Variants in CCDC171 observed in about 807,000 individuals in gnomAD.
CCDC171 encodes coiled-coil domain-containing protein 171.
Under a neutral mutation model 168.2 loss-of-function variants are expected in CCDC171, and 177 were observed. The ratio of observed to expected loss-of-function variants is 1.05; its 90% CI spans 0.93 to 1.19. CCDC171 has a LOEUF of 1.19. CCDC171 is among the 50% of genes most tolerant of loss of function. The pLI is 0.00. For missense variants in CCDC171, 1,991 were observed against 1,539.0 expected (o/e 1.29, Z -4.91); for synonymous variants, 687 against 540.8 (o/e 1.27, Z -3.75).
intron 24 of CCDC171, among the ~76,000 whole-genome samples, chr9:15,887,201 T>C (rs1174600237): frequency 6.6e-6 from 1 of 152,190 alleles, no homozygotes; most frequent in Non-Finnish European, 1.5e-5. Flanking sequence ...AAAGTATATA[T>C]ATATTAAATA....
At chr9:15,718,012 AGAGCAC>A (rs2053205166) in intron 11 of CCDC171, among the ~76,000 whole-genome samples, 1 of 108,632 alleles carries the variant, frequency 9.2e-6, no homozygotes, top group Admixed American at 9.3e-5. Context: ...ACAGGGTGGT[AGAGCAC>A]CAAGTGGGTT....
At chr9:15,619,113 C>G (rs1242001942) in intron 6 of CCDC171, among the ~76,000 whole-genome samples, 1 of 152,110 alleles carries the variant, frequency 6.6e-6, no homozygotes, top group African/African-American at 2.4e-5. Flanking sequence ...CCAACTCTCC[C>G]TCTCGTCTGG....
At chr9:15,962,428 G>C (rs947062786) in intron 25 of CCDC171, among the ~76,000 whole-genome samples, 6 of 152,100 alleles carry the variant, frequency 3.9e-5, no homozygotes, top group Non-Finnish European at 8.8e-5. Flanking sequence ...GGATCAAATG[G>C]CATTAAGCAT....
At chr9:15,968,991 G>A (rs1171935292) in intron 25 of CCDC171, among the ~76,000 whole-genome samples, 1 of 152,138 alleles carries the variant, frequency 6.6e-6, no homozygotes, top group Non-Finnish European at 1.5e-5. Flanking sequence ...TTACTTTCTA[G>A]AGACTATACT....
chr9:15,983,945 A>G (rs1726041981), intron 3 of CCDC171, among the ~76,000 whole-genome samples: 1 of 151,960 alleles, frequency 6.6e-6, no homozygotes, highest in Non-Finnish European at 1.5e-5. Context: ...AACTCTACTA[A>G]AAACCATCTT....
At chr9:16,033,409 T>G (rs1246842744) in intron 6 of CCDC171, among the ~76,000 whole-genome samples, 1 of 152,158 alleles carries the variant, frequency 6.6e-6, no homozygotes, top group Admixed American at 6.5e-5. Context: ...AGCAGCGGCA[T>G]TAGATTCTCA....
At chr9:15,813,622 GTATATA>G (rs1364927967) in intron 21 of CCDC171, among the ~76,000 whole-genome samples, 1 of 150,876 alleles carries the variant, frequency 6.6e-6, no homozygotes, top group Non-Finnish European at 1.5e-5. Context: ...GTGTGTGTGT[GTATATA>G]TATATATATT....
chr9:16,102,415 C>A, the CCDC171 span, among the ~76,000 whole-genome samples: 1 of 146,426 alleles, frequency 6.8e-6, no homozygotes, highest in African/African-American at 2.5e-5. Context: ...GTAAACAGGT[C>A]ATCTCAGCCA....
intron 21 of CCDC171, among the ~76,000 whole-genome samples, chr9:15,823,280 A>G (rs988198116): frequency 2.0e-5 from 3 of 152,112 alleles, no homozygotes; most frequent in African/African-American, 7.2e-5. Flanking sequence ...CGTATGTAAC[A>G]AACCTTCACG....
intron 3 of CCDC171, among the ~76,000 whole-genome samples, chr9:16,006,361 G>A (rs1832695686): frequency 6.6e-6 from 1 of 152,252 alleles, no homozygotes; most frequent in East Asian, 1.9e-4. Flanking sequence ...TGTTGAGCAT[G>A]TTTTCATGTG....
At chr9:15,780,917 A>T (rs2057633467) in intron 20 of CCDC171, among the ~76,000 whole-genome samples, 1 of 152,152 alleles carries the variant, frequency 6.6e-6, no homozygotes, top group Non-Finnish European at 1.5e-5. Flanking sequence ...TTATACTTTT[A>T]AAAACGAATT....
Position 15,623,475 on chromosome 9 carries a change from G to GCGCGCGCGCGCGCGCACGCACACA in CCDC171, c.822+63_822+64insGCGCGCGCGCGCGCACGCACACAC. ...CAAACTTTCACATATGCGCGCGCGC[G>GCGCGCGCGCGCGCGCACGCACACA]CACACACACACACACACACACACAC... On this transcript the variant is annotated intron_variant, in intron 7 of 25. Coordinates refer to ENST00000380701, the MANE Select transcript of CCDC171 (RefSeq NM_173550.4). 2.2e-5 allele frequency: 7 copies of GCGCGCGCGCGCGCGCACGCACACA among 315,440 alleles called. No homozygotes were observed. The South Asian group carries it at 2.8e-4, about 13-fold the overall frequency. The allele number at this position is 315,440 out of a possible 1,614,324, so 19.5% of individuals were successfully genotyped here. A position where few individuals can be genotyped will look rare whatever the true frequency, so the allele number is the denominator to read the frequency against.
At chr9:15,796,885 G>C (rs939875344) in intron 21 of CCDC171, among the ~76,000 whole-genome samples, 1 of 152,194 alleles carries the variant, frequency 6.6e-6, no homozygotes, top group Admixed American at 6.5e-5. Flanking sequence ...AGTGCTAAGG[G>C]AGAAACCAGT....
At chr9:15,930,010 A>G (rs923350604) in intron 25 of CCDC171, among the ~76,000 whole-genome samples, 3 of 151,746 alleles carry the variant, frequency 2.0e-5, no homozygotes, top group Admixed American at 2.0e-4. Flanking sequence ...AGTTCTGTAT[A>G]GTAGTCTGAC....
At chr9:15,757,124 G>A (rs533256699) in intron 18 of CCDC171, among the ~76,000 whole-genome samples, 2 of 152,176 alleles carry the variant, frequency 1.3e-5, no homozygotes, top group Non-Finnish European at 2.9e-5. Context: ...ATGTTTAAGC[G>A]ACTTTGGAAC....
chr9:15,842,763 G>C (rs1409360668), intron 21 of CCDC171, among the ~76,000 whole-genome samples: 1 of 151,736 alleles, frequency 6.6e-6, no homozygotes, highest in Non-Finnish European at 1.5e-5. Context: ...ATAGGTGTGA[G>C]ATAATAGAAT....
At chr9:15,628,861 T>A (rs1251440375) in intron 7 of CCDC171, among the ~76,000 whole-genome samples, 1 of 152,176 alleles carries the variant, frequency 6.6e-6, no homozygotes, top group Non-Finnish European at 1.5e-5. Flanking sequence ...GACAGCAGCA[T>A]TAACGGTTCA....
chr9:15,653,640 A>G (rs1229789832), intron 7 of CCDC171, among the ~76,000 whole-genome samples: 12 of 152,160 alleles, frequency 7.9e-5, no homozygotes, highest in Non-Finnish European at 1.8e-4. Context: ...ATCTTATTTT[A>G]TGAACACTAA....
chr9:15,962,332 C>T (rs1324467514), intron 25 of CCDC171, among the ~76,000 whole-genome samples: 1 of 152,290 alleles, frequency 6.6e-6, no homozygotes, highest in South Asian at 2.1e-4. Flanking sequence ...CTATAGCCTA[C>T]TTAACTATGC....
Sources: allele counts gnomAD v4.1 joint callset (sites outside exome capture counted in the v4.1 genomes callset), GRCh38; gene constraint gnomAD v4.1.1; transcripts MANE v1.5; gene names NCBI Gene and HGNC (gene_info 2026-07-23, HGNC 2026-07-21).